Variants in ATP11B observed in about 807,000 individuals in gnomAD.
The protein encoded by ATP11B is ATPase phospholipid transporting 11B (putative).
Under a neutral mutation model 157.8 loss-of-function variants are expected in ATP11B, and 81 were observed. The observed-to-expected ratio is 0.51, with a 90% CI of 0.43 to 0.62. The LOEUF is 0.62. Ranked by LOEUF, ATP11B falls within the 20% of genes least tolerant of loss-of-function variation. The pLI, the probability that ATP11B is intolerant of heterozygous loss-of-function variation, is 0.00. For missense variants in ATP11B, 1,165 were observed against 1,402.2 expected, an observed-to-expected ratio of 0.83 and a Z score of 2.70; for synonymous variants, 451 against 469.4, an observed-to-expected ratio of 0.96 and a Z score of 0.51.
chr3:182,805,427 G>T (rs373169072), intron 1 of ATP11B, among the ~76,000 whole-genome samples: 1 of 151,234 alleles, frequency 6.6e-6, no homozygotes, highest in East Asian at 1.9e-4. Context: ...TATCATTTTT[G>T]GAGAAATGCC....
intron 7 of ATP11B, among the ~76,000 whole-genome samples, chr3:182,838,724 T>G (rs549675729): frequency 6.6e-6 from 1 of 151,852 alleles, no homozygotes; most frequent in Admixed American, 6.6e-5. Context: ...AGAGACAGTA[T>G]TTATATAAAA....
chr3:182,915,385 TTTG>T, intron 29 of ATP11B: 1 of 985,438 alleles, frequency 1.0e-6, no homozygotes, highest in Non-Finnish European at 1.2e-6. Context: ...ACTCTGGGAC[TTTG>T]TTATGATTTA....
chr3:182,854,266 C>A (rs1382008222), intron 10 of ATP11B, among the ~76,000 whole-genome samples: 1 of 151,938 alleles, frequency 6.6e-6, no homozygotes, highest in African/African-American at 2.4e-5. Context: ...GGTCGGGAGT[C>A]CGAGACCAGC....
At chr3:182,811,076 C>T (rs1016972353) in intron 1 of ATP11B, among the ~76,000 whole-genome samples, 3 of 106,508 alleles carry the variant, frequency 2.8e-5, no homozygotes, top group Non-Finnish European at 5.1e-5. Flanking sequence ...CATGACTACA[C>T]TGGACATAAT....
intron 2 of ATP11B, among the ~76,000 whole-genome samples, chr3:182,824,225 G>T (rs1311671955): frequency 6.6e-6 from 1 of 152,086 alleles, no homozygotes; most frequent in East Asian, 1.9e-4. Context: ...TTAATGTTTT[G>T]AATATAAGCC....
chr3:182,805,902 T>C (rs1716298889), intron 1 of ATP11B, among the ~76,000 whole-genome samples: 1 of 152,224 alleles, frequency 6.6e-6, no homozygotes, highest in Non-Finnish European at 1.5e-5. Flanking sequence ...TAGTCCTACT[T>C]CTTTTTAAAC....
chr3:182,814,821 A>G (rs915163450), intron 1 of ATP11B, among the ~76,000 whole-genome samples: 3 of 152,134 alleles, frequency 2.0e-5, no homozygotes, highest in African/African-American at 7.2e-5. Context: ...AGAATCTTAT[A>G]GTCTGGAGGG....
At chr3:182,864,274 A>G (rs1417620800) in intron 12 of ATP11B, among the ~76,000 whole-genome samples, 1 of 152,044 alleles carries the variant, frequency 6.6e-6, no homozygotes, top group Non-Finnish European at 1.5e-5. Flanking sequence ...CCTAATTGTC[A>G]TGGCTAGAAC....
intron 1 of ATP11B, among the ~76,000 whole-genome samples, chr3:182,798,420 C>G (rs772732421): frequency 6.6e-6 from 1 of 152,116 alleles, no homozygotes; most frequent in African/African-American, 2.4e-5. Context: ...AAGCACTGGC[C>G]TAGGGTGGTA....
intron 10 of ATP11B, 82 bp from the exon 11 acceptor site, chr3:182,857,796 C>G (rs1300394282): frequency 2.4e-6 from 2 of 849,120 alleles, no homozygotes; most frequent in East Asian, 2.5e-5. Flanking sequence ...AATATCTTCT[C>G]TAATACAAGT....
rs1392662460 is a variant in ATP11B at position 182,844,982 on chromosome 3, CT to C, written c.705-465del. Reference sequence around the variant, plus strand: ...TAACATCATGATTAGCCTAGGCAGCCTTTTTTTTTTTATTTTTTTTTTTATT... The same window carrying C: ...TAACATCATGATTAGCCTAGGCAGCCTTTTTTTTTTATTTTTTTTTTTATT... On this transcript the variant is annotated intron_variant, in intron 8 of 29. Coordinates refer to ENST00000323116, the MANE Select transcript of ATP11B (RefSeq NM_014616.3). Among the ~76,000 whole-genome samples, 31 of 101,950 alleles carry C rather than the reference CT, an allele frequency of 3.0e-4. 1 individual carries two copies. The highest frequency in any genetic ancestry group is 7.2e-4 in the African/African-American group (18 of 25,066). The allele number at this position is 101,950 out of a possible 152,430, so 66.9% of individuals were successfully genotyped here. A position where few individuals can be genotyped will look rare whatever the true frequency, so the allele number is the denominator to read the frequency against.
chr3:182,802,969 G>A (rs532158938), intron 1 of ATP11B, among the ~76,000 whole-genome samples: 5 of 152,290 alleles, frequency 3.3e-5, no homozygotes, highest in African/African-American at 9.6e-5. Context: ...CCAAAATGAA[G>A]TAATCCCTGC....
rs1725264177 is a variant in ATP11B, at chr3:182,918,231, CAG to C, written c.*130_*131del. On this transcript the variant is annotated 3_prime_UTR_variant, in exon 30 of 30. Transcript: ENST00000323116. ...ATCTTTGTAGTAGTTCATACCCACT[CAG>C]AGTTATAATGGCAAACAAACAGAAA... 7.4e-7 allele frequency: 1 copy of C among 1,354,520 alleles called. No homozygotes were observed. Among genetic ancestry groups the C allele is most frequent in the African/African-American group, 1.5e-5 (1 of 68,478 alleles). The allele number at this position is 1,354,520 out of a possible 1,614,324, so 83.9% of individuals were successfully genotyped here.
intron 7 of ATP11B, among the ~76,000 whole-genome samples, chr3:182,839,070 G>A (rs1026012833): frequency 6.6e-6 from 1 of 151,978 alleles, no homozygotes; most frequent in Non-Finnish European, 1.5e-5. Flanking sequence ...AGAAAATGAG[G>A]TACATATACA....
intron 15 of ATP11B, among the ~76,000 whole-genome samples, chr3:182,868,702 G>T (rs530881682): frequency 6.6e-6 from 1 of 152,126 alleles, no homozygotes; most frequent in Admixed American, 6.5e-5. Flanking sequence ...AAAACATGGA[G>T]CTGGGCAGAT....
At chr3:182,835,136 A>G (rs1718449751) in intron 4 of ATP11B, among the ~76,000 whole-genome samples, 1 of 152,108 alleles carries the variant, frequency 6.6e-6, no homozygotes, top group Non-Finnish European at 1.5e-5. Context: ...CAGAGGTACA[A>G]GAGGTAGAGG....
intron 28 of ATP11B, among the ~76,000 whole-genome samples, chr3:182,904,756 G>A (rs961916698): frequency 2.0e-5 from 3 of 151,946 alleles, no homozygotes; most frequent in African/African-American, 7.3e-5. Context: ...GGGTGTGGTG[G>A]CAGGCGCCTG....
At chr3:182,875,732 C>T (rs1721994532) in intron 19 of ATP11B, among the ~76,000 whole-genome samples, 1 of 152,186 alleles carries the variant, frequency 6.6e-6, no homozygotes, top group Admixed American at 6.5e-5. Flanking sequence ...TGAGCCACCG[C>T]ACCCGGCCCA....
At chr3:182,862,755 C>G (rs1720938902) in intron 12 of ATP11B, among the ~76,000 whole-genome samples, 2 of 151,842 alleles carry the variant, frequency 1.3e-5, no homozygotes, top group Non-Finnish European at 1.5e-5. Flanking sequence ...TTTCCATCTT[C>G]CAAACTTGTG....
Sources: gnomAD v4.1 joint callset for allele counts (sites outside exome capture counted in the v4.1 genomes callset) on GRCh38, gnomAD v4.1.1 for gene constraint, MANE v1.5 for transcripts, NCBI Gene and HGNC (gene_info 2026-07-23, HGNC 2026-07-21) for gene names.